PANX1: variants seen among roughly 807,000 people sequenced by gnomAD.
The protein encoded by PANX1 is pannexin 1.
Under a neutral mutation model 38.7 loss-of-function variants are expected in PANX1, and 30 were observed. That is an observed-to-expected ratio of 0.78 (90% CI 0.58 to 1.05). The LOEUF is 1.05. Ranked by LOEUF, PANX1 falls within the 50% of genes least tolerant of loss-of-function variation. The pLI is 0.00. For missense variants in PANX1, 551 were observed against 517.2 expected (o/e 1.07, Z -0.63); for synonymous variants, 230 against 212.2 (o/e 1.08, Z -0.73).
At position 94,145,511 on chromosome 11, in the gene PANX1, A is replaced by G. The variant is rs138323461; in HGVS notation, c.182-7980A>G. ...TTCTTCCTTCCATCTAGCTTTTTGCATTCATGGTCATTTCATGGAACCACA... is the reference window on the plus strand; with the variant it reads ...TTCTTCCTTCCATCTAGCTTTTTGCGTTCATGGTCATTTCATGGAACCACA... On this transcript the variant is annotated intron_variant, in intron 1 of 4. Transcript: ENST00000227638. 4.0e-4 allele frequency among the ~76,000 whole-genome samples: 61 copies of G among 152,334 alleles called. 1 individual carries two copies. Among genetic ancestry groups the G allele is most frequent in the Non-Finnish European group, 6.6e-4 (45 of 68,028 alleles).
rs368833550 is a variant in PANX1 at position 94,181,615 on chromosome 11, T to C, written c.*746T>C. 3.3e-5 allele frequency: 5 copies of C among 152,262 alleles called. No homozygotes were observed. In the East Asian group the frequency reaches 9.6e-4, roughly 29 times the overall value. The allele number at this position is 152,262 out of a possible 1,614,324, so 9.4% of individuals were successfully genotyped here. ...TCCAAAAGAGCCCAGTGGGGAAATC[T>C]GACATCACAGAAGACATTAATTCAG... is the stretch of plus-strand genomic sequence containing the variant. On this transcript the variant is annotated 3_prime_UTR_variant, in exon 5 of 5. Coordinates refer to ENST00000227638, the MANE Select transcript of PANX1 (RefSeq NM_015368.4).
Position 94,179,816 on chromosome 11 carries a change from A to G in PANX1, c.760A>G (p.Arg254Gly). 6.2e-7 allele frequency: 1 copy of G among 1,614,140 alleles called. No homozygotes were observed. Among genetic ancestry groups the G allele is most frequent in the South Asian group, 1.1e-5 (1 of 91,076 alleles). Residue 254 changes from arginine (R) to glycine (G), a missense_variant, in exon 4 of 5, where the codon AGA becomes GGA. Physicochemically the swap from Arg to Gly is moderately radical, Grantham distance 125 (BLOSUM62 -2). Transcript: ENST00000227638. ...FVCSIKSGIL[R>G]NDSTVPDQFQ... ...GTGCAGCATCAAATCAGGGATCCTG[A>G]GAAACGACAGCACCGTGCCCGATCA...
chr11:94,180,701 G>A, intron 4 of PANX1, 89 bp from the exon 5 acceptor site: 1 of 746,746 alleles, frequency 1.3e-6, no homozygotes, highest in South Asian at 1.6e-5. Flanking sequence ...TATAGACTGT[G>A]AGAGGAATTT....
chr11:94,180,525 C>T lies in PANX1; in HGVS notation c.1202-265C>T, dbSNP rs12798981. ...CCCTCTTCTCTGTCTGTCTCACACT[C>T]TCTCTTGCTCAGCAATCTTCCTTGT... On this transcript the variant is annotated intron_variant, in intron 4 of 4. Transcript: ENST00000227638. Among the ~76,000 whole-genome samples the T allele has an allele frequency of 0.1, 15,305 of 152,204 alleles. 845 individuals carry two copies. The highest frequency in any genetic ancestry group is 0.19 in the East Asian group (989 of 5,154).
chr11:94,154,090 G>A (rs568888994), intron 2 of PANX1, among the ~76,000 whole-genome samples: 6 of 152,288 alleles, frequency 3.9e-5, no homozygotes, highest in East Asian at 3.9e-4. Flanking sequence ...TAGCTGATAC[G>A]TTACTGGAAC....
chr11:94,155,523 A>G (rs1946939994), intron 2 of PANX1, among the ~76,000 whole-genome samples: 1 of 152,072 alleles, frequency 6.6e-6, no homozygotes, highest in South Asian at 2.1e-4. Context: ...AATAATAATA[A>G]TAAAATAAAT....
chr11:94,133,964 T>G (rs549357866), intron 1 of PANX1, among the ~76,000 whole-genome samples: 1 of 152,300 alleles, frequency 6.6e-6, no homozygotes, highest in South Asian at 2.1e-4. Flanking sequence ...TGAGTGCCAT[T>G]TAATGATACA....
intron 1 of PANX1, among the ~76,000 whole-genome samples, chr11:94,144,450 G>C (rs1412151603): frequency 6.6e-6 from 1 of 152,010 alleles, no homozygotes; most frequent in African/African-American, 2.4e-5. Context: ...AACTCCACCT[G>C]GTGCCCAGTC....
rs752084476 is a variant in PANX1 at position 94,153,526 on chromosome 11, T to C, written c.217T>C (p.Ser73Pro). 6 of 1,614,044 alleles carry C rather than the reference T, an allele frequency of 3.7e-6. No homozygotes were observed. The highest frequency in any genetic ancestry group is 3.3e-5 in the Admixed American group (2 of 59,996). ...AAGCTGTTTCTCTCCAAGTTCTTTCTCCTGGCGTCAGGCTGCCTTTGTGGA... is the reference window on the plus strand; with the variant it reads ...AAGCTGTTTCTCTCCAAGTTCTTTCCCCTGGCGTCAGGCTGCCTTTGTGGA... ...QISCFSPSSF[S>P]WRQAAFVDSY... The change falls in exon 2 of 5, where the codon TCC becomes CCC. Residue 73 changes from serine to proline, a missense_variant. Coordinates refer to ENST00000227638, the MANE Select transcript of PANX1 (RefSeq NM_015368.4).
At chr11:94,169,711 G>T (rs1947142316) in intron 2 of PANX1, among the ~76,000 whole-genome samples, 1 of 151,654 alleles carries the variant, frequency 6.6e-6, no homozygotes, top group Non-Finnish European at 1.5e-5. Context: ...GAGTTATGCA[G>T]CCAAGCCAAG....
intron 2 of PANX1, among the ~76,000 whole-genome samples, chr11:94,174,276 C>T (rs1418194941): frequency 6.6e-6 from 1 of 151,418 alleles, no homozygotes; most frequent in Non-Finnish European, 1.5e-5. Flanking sequence ...GCCAGCACAC[C>T]CTTCCAGCCT....
At chr11:94,162,049 C>G (rs181043503) in intron 2 of PANX1, among the ~76,000 whole-genome samples, 1 of 152,276 alleles carries the variant, frequency 6.6e-6, no homozygotes, top group East Asian at 1.9e-4. Flanking sequence ...TGGTGAGCAG[C>G]AAATGTTGCT....
intron 2 of PANX1, among the ~76,000 whole-genome samples, chr11:94,159,490 A>G (rs1946994885): frequency 6.6e-6 from 1 of 152,126 alleles, no homozygotes; most frequent in Non-Finnish European, 1.5e-5. Context: ...GGGAGGGTGT[A>G]TGTGTCGAGG....
At chr11:94,152,137 A>G (rs901862561) in intron 1 of PANX1, among the ~76,000 whole-genome samples, 5 of 150,450 alleles carry the variant, frequency 3.3e-5, no homozygotes, top group African/African-American at 1.0e-4. Context: ...GGAAGGGAGA[A>G]TGGTAGGCAC....
chr11:94,180,018 A>C lies in PANX1; in HGVS notation c.962A>C (p.Lys321Thr), dbSNP rs201625424. 1.2e-6 allele frequency: 2 copies of C among 1,601,246 alleles called. No individual in the cohort carries two copies. Among genetic ancestry groups the C allele is most frequent in the South Asian group, 1.1e-5 (1 of 89,604 alleles). ...ILPTFDVLHF[K>T]SEGYNDLSLY... ...CCCACTTTTGATGTTCTGCATTTCA[A>C]ATCTGAAGGGTACAACGATTTGAGC... Residue 321 changes from lysine to threonine, a missense_variant, in exon 4 of 5, where the codon AAA (lysine) becomes ACA (threonine). Coordinates refer to ENST00000227638, the MANE Select transcript of PANX1 (RefSeq NM_015368.4).
intron 1 of PANX1, among the ~76,000 whole-genome samples, chr11:94,150,409 G>C (rs1946870441): frequency 6.6e-6 from 1 of 152,220 alleles, no homozygotes; most frequent in South Asian, 2.1e-4. Context: ...TCCTGACTCA[G>C]ACTACTTGGA....
chr11:94,179,754 A>G lies in PANX1; in HGVS notation c.698A>G (p.Tyr233Cys), dbSNP rs1380105221. The G allele has an allele frequency of 8.7e-6, 14 of 1,613,998 alleles. No homozygotes were observed. Among genetic ancestry groups the G allele is most frequent in the African/African-American group, 1.3e-5 (1 of 74,910 alleles). Residue 233 changes from tyrosine (Y) to cysteine (C), a missense_variant, in exon 4 of 5, where the codon TAT becomes TGT. Tyr to Cys is a radical substitution (Grantham distance 194). Coordinates refer to ENST00000227638, the MANE Select transcript of PANX1 (RefSeq NM_015368.4). ...IILLACIYLG[Y>C]YFSLSSLSDE... Reference sequence around the variant, plus strand: ...CTGTTAGCGTGTATCTACCTGGGCTATTACTTCAGCCTCTCCTCACTCTCA... The same window carrying G: ...CTGTTAGCGTGTATCTACCTGGGCTGTTACTTCAGCCTCTCCTCACTCTCA...
chr11:94,160,358 C>G (rs1427951474), intron 2 of PANX1, among the ~76,000 whole-genome samples: 2 of 152,126 alleles, frequency 1.3e-5, no homozygotes, highest in Non-Finnish European at 2.9e-5. Context: ...TTGTGGGAGT[C>G]TAAGTCTCTT....
chr11:94,163,659 A>G (rs1041606050), intron 2 of PANX1, among the ~76,000 whole-genome samples: 7 of 152,168 alleles, frequency 4.6e-5, no homozygotes, highest in African/African-American at 1.7e-4. Flanking sequence ...ATCTGTGTTC[A>G]TCGGAGGTAT....
Sources: allele counts gnomAD v4.1 joint callset (sites outside exome capture counted in the v4.1 genomes callset), GRCh38; gene constraint gnomAD v4.1.1; transcripts MANE v1.5; gene names NCBI Gene and HGNC (gene_info 2026-07-23, HGNC 2026-07-21).